The following TTLL7 variants were observed in gnomAD, a reference collection of about 807,000 sequenced individuals.
TTLL7 encodes tubulin tyrosine ligase like 7, also known as tubulin polyglutamylase TTLL7.
TTLL7 carries 53 observed loss-of-function variants against 120.2 expected under a neutral mutation model. The observed-to-expected ratio is 0.44, with a 90% CI of 0.35 to 0.55. The LOEUF (loss-of-function observed/expected upper bound fraction) is 0.55, where lower values mean the gene tolerates loss of function less well. Ranked by LOEUF, TTLL7 falls within the 20% of genes least tolerant of loss-of-function variation. The pLI is 0.00. For missense variants in TTLL7, 803 were observed against 1,054.7 expected (o/e 0.76, Z 3.31); for synonymous variants, 353 against 351.7 (o/e 1.00, Z -0.04).
At chr1:83,897,222 A>G (rs1470771891) in intron 18 of TTLL7, among the ~76,000 whole-genome samples, 1 of 152,042 alleles carries the variant, frequency 6.6e-6, no homozygotes, top group Non-Finnish European at 1.5e-5. Flanking sequence ...CTGGAACAGG[A>G]AAAGTGGTAT....
intron 14 of TTLL7, among the ~76,000 whole-genome samples, chr1:83,914,289 C>T (rs1187155420): frequency 1.3e-5 from 2 of 149,588 alleles, no homozygotes; most frequent in African/African-American, 2.5e-5. Flanking sequence ...TTTAATGTTC[C>T]GTCTACCCTA....
At chr1:83,926,814 T>C (rs1257146805) in intron 10 of TTLL7, among the ~76,000 whole-genome samples, 1 of 152,160 alleles carries the variant, frequency 6.6e-6, no homozygotes, top group Non-Finnish European at 1.5e-5. Context: ...GTGAATGTCT[T>C]TTCTAGGTTC....
intron 12 of TTLL7, 118 bp downstream of exon 12, chr1:83,920,969 A>T (rs1658598674): frequency 9.1e-7 from 1 of 1,094,130 alleles, no homozygotes; most frequent in South Asian, 1.6e-5. Flanking sequence ...GTAAGCAAAA[A>T]GCACTTGCTT....
chr1:83,975,635 T>C (rs1257755326), intron 1 of TTLL7, among the ~76,000 whole-genome samples: 1 of 152,140 alleles, frequency 6.6e-6, no homozygotes, highest in East Asian at 1.9e-4. Context: ...TCAAAACCTT[T>C]GTGCCATAGC....
intron 18 of TTLL7, among the ~76,000 whole-genome samples, chr1:83,891,365 TATA>T (rs1445405199): frequency 6.6e-6 from 1 of 152,104 alleles, no homozygotes; most frequent in South Asian, 2.1e-4. Flanking sequence ...AAATTAAGGC[TATA>T]ATAAGATATC....
intron 9 of TTLL7, 60 bp downstream of exon 9, chr1:83,933,548 C>T (rs1212001254): frequency 6.5e-7 from 1 of 1,531,688 alleles, no homozygotes; most frequent in Non-Finnish European, 8.8e-7. Context: ...ATTTTTAAAG[C>T]ATTTATTTTA....
At chr1:83,945,536 A>G (rs1335481819) in intron 6 of TTLL7, among the ~76,000 whole-genome samples, 2 of 152,230 alleles carry the variant, frequency 1.3e-5, no homozygotes, top group Non-Finnish European at 2.9e-5. Context: ...TCCACTTTCA[A>G]TAATGGACAA....
chr1:83,917,622 G>C lies in TTLL7; in HGVS notation c.1569C>G (p.Thr523=). The C allele has an allele frequency of 1.9e-6, 3 of 1,612,492 alleles. No homozygotes were observed. The highest frequency in any genetic ancestry group is 2.5e-6 in the Non-Finnish European group (3 of 1,178,736). Residue 523 remains threonine, a synonymous_variant, in exon 14 of 21, where the codon ACC becomes ACG. Transcript: ENST00000260505. ...IDDEKLMGKT[T]KTRGPKPLCS... ...ACTGCACCTTTGGTCCTCGAGTCTTGGTAGTTTTTCCCATCAACTTTTCAT... is the reference window on the plus strand; with the variant it reads ...ACTGCACCTTTGGTCCTCGAGTCTTCGTAGTTTTTCCCATCAACTTTTCAT...
At chr1:83,969,430 A>C (rs939330135) in intron 1 of TTLL7, among the ~76,000 whole-genome samples, 2 of 151,964 alleles carry the variant, frequency 1.3e-5, no homozygotes, top group Admixed American at 1.3e-4. Flanking sequence ...ACTGACTTTA[A>C]TATTATTAAA....
chr1:83,960,315 G>T (rs1221403511), intron 1 of TTLL7, among the ~76,000 whole-genome samples: 2 of 152,128 alleles, frequency 1.3e-5, no homozygotes, highest in Non-Finnish European at 2.9e-5. Context: ...TATTGTGGGG[G>T]CAGTAGTGGA....
rs368678668 is a variant in TTLL7, at chr1:83,954,716, T to C, written c.-176-2329A>G. ...CAGCTAAGGTTGAGAACCTCTACTGTAAGCACACGATGACAATGCAACAAA... is the reference window on the plus strand; with the variant it reads ...CAGCTAAGGTTGAGAACCTCTACTGCAAGCACACGATGACAATGCAACAAA... On this transcript the variant is annotated intron_variant, in intron 1 of 20. Transcript: ENST00000260505. 2.8e-4 allele frequency among the ~76,000 whole-genome samples: 42 copies of C among 152,222 alleles called. No homozygotes were observed. The South Asian group carries it at 7.7e-3, about 28-fold the overall frequency.
intron 14 of TTLL7, among the ~76,000 whole-genome samples, chr1:83,913,491 T>C (rs914859837): frequency 1.3e-5 from 2 of 152,208 alleles, no homozygotes; most frequent in Non-Finnish European, 2.9e-5. Context: ...TTTGATTATC[T>C]CCAATTATTC....
intron 1 of TTLL7, among the ~76,000 whole-genome samples, chr1:83,961,076 A>C (rs1361611706): frequency 1.3e-5 from 2 of 152,146 alleles, no homozygotes; most frequent in Non-Finnish European, 2.9e-5. Context: ...TCATTCTAGT[A>C]ACAATCTTGA....
chr1:83,957,567 G>T (rs1481121755), intron 1 of TTLL7, among the ~76,000 whole-genome samples: 1 of 152,036 alleles, frequency 6.6e-6, no homozygotes, highest in Non-Finnish European at 1.5e-5. Flanking sequence ...TTTATATATG[G>T]GAAAATGTAG....
intron 1 of TTLL7, among the ~76,000 whole-genome samples, chr1:83,986,596 G>A (rs1048121877): frequency 1.3e-5 from 2 of 152,196 alleles, no homozygotes; most frequent in South Asian, 4.1e-4. Context: ...TGTAATCCCA[G>A]CTCTTTGGGA....
At chr1:83,892,405 C>CGAATATATATGAAT (rs1557563429) in intron 18 of TTLL7, among the ~76,000 whole-genome samples, 2 of 36,806 alleles carry the variant, frequency 5.4e-5, no homozygotes, top group African/African-American at 1.2e-4. Context: ...TATATATGAA[C>CGAATATATATGAAT]ATATATATGA....
chr1:83,899,121 CTTATA>C (rs1656493491), intron 18 of TTLL7, among the ~76,000 whole-genome samples: 1 of 151,624 alleles, frequency 6.6e-6, no homozygotes, highest in African/African-American at 2.4e-5. Flanking sequence ...TATAAAGCTC[CTTATA>C]TTAAAGTAGT....
intron 9 of TTLL7, among the ~76,000 whole-genome samples, chr1:83,931,010 T>TC: frequency 6.6e-6 from 1 of 151,404 alleles, no homozygotes; most frequent in South Asian, 2.1e-4. Context: ...TTGTTTTTTT[T>TC]TTTTTAAGTT....
intron 1 of TTLL7, among the ~76,000 whole-genome samples, chr1:83,966,304 T>C (rs1446973815): frequency 1.3e-5 from 2 of 152,070 alleles, no homozygotes; most frequent in East Asian, 1.9e-4. Flanking sequence ...GATTTTTGAC[T>C]TGCCAGCCTC....
Sources: allele counts gnomAD v4.1 joint callset (sites outside exome capture counted in the v4.1 genomes callset), GRCh38; gene constraint gnomAD v4.1.1; transcripts MANE v1.5; gene names NCBI Gene and HGNC (gene_info 2026-07-23, HGNC 2026-07-21).